The following SSH2 variants were observed in gnomAD, a reference collection of about 807,000 sequenced individuals.
SSH2 encodes the protein slingshot protein phosphatase 2, also known as protein phosphatase Slingshot homolog 2.
Under a neutral mutation model 135.2 loss-of-function variants are expected in SSH2, and 37 were observed. That is an observed-to-expected ratio of 0.27 (90% CI 0.21 to 0.36). The LOEUF is 0.36. SSH2 is among the 10% of genes least tolerant of loss of function. SSH2 has a pLI of 1.00. For synonymous variants in SSH2, 628 were observed against 646.2 expected, an observed-to-expected ratio of 0.97 and a Z score of 0.43; for missense variants, 1,408 against 1,765.3, an observed-to-expected ratio of 0.80 and a Z score of 3.63.
chr17:29,744,980 T>C (rs1202668109), intron 3 of SSH2, among the ~76,000 whole-genome samples: 2 of 151,866 alleles, frequency 1.3e-5, no homozygotes, highest in Non-Finnish European at 2.9e-5. Context: ...GGATTTCACA[T>C]TGTGCTCACA....
chr17:29,892,045 T>C (rs1202701643), intron 1 of SSH2, among the ~76,000 whole-genome samples: 1 of 152,068 alleles, frequency 6.6e-6, no homozygotes, highest in African/African-American at 2.4e-5. Context: ...CGACTTTCTT[T>C]TTTTTTTCTT....
rs182286246 is a variant in SSH2 at position 29,782,695 on chromosome 17, C to T, written c.188+11199G>A. ...CTGCTTCCTGGGTTCAAGCGATTCT[C>T]CTGCCTCAGCCTCCCAAGTAGCTGG... is the stretch of plus-strand genomic sequence containing the variant. On this transcript the variant is annotated intron_variant, in intron 3 of 15. Transcript: ENST00000540801. Among the ~76,000 whole-genome samples, 49 of 152,230 alleles carry T rather than the reference C, an allele frequency of 3.2e-4. No homozygotes were observed. In the East Asian group the frequency reaches 8.1e-3, roughly 25 times the overall value.
chr17:29,752,736 T>C (rs764293087), intron 3 of SSH2, among the ~76,000 whole-genome samples: 19 of 150,352 alleles, frequency 1.3e-4, no homozygotes, highest in Non-Finnish European at 2.5e-4. Context: ...AGCAATAGGC[T>C]AGGAGAAAGT....
intron 1 of SSH2, among the ~76,000 whole-genome samples, chr17:29,864,644 T>TAAA (rs540074955): frequency 1.8e-3 from 253 of 138,058 alleles, no homozygotes; most frequent in East Asian, 9.0e-3. Flanking sequence ...GAATACTTAC[T>TAAA]AAAAAAAAAA....
At chr17:29,692,607 G>A (rs1369136986) in intron 5 of SSH2, among the ~76,000 whole-genome samples, 1 of 152,180 alleles carries the variant, frequency 6.6e-6, no homozygotes, top group African/African-American at 2.4e-5. Context: ...AATATTTAGA[G>A]GTTCAAACCA....
intron 2 of SSH2, among the ~76,000 whole-genome samples, chr17:29,799,398 A>G (rs2042212337): frequency 6.6e-6 from 1 of 152,334 alleles, no homozygotes; most frequent in East Asian, 1.9e-4. Context: ...CTCTCACCAG[A>G]AAGAGTAAGA....
At chr17:29,830,349 A>T (rs2042823797) in intron 2 of SSH2, among the ~76,000 whole-genome samples, 1 of 152,154 alleles carries the variant, frequency 6.6e-6, no homozygotes, top group Admixed American at 6.5e-5. Context: ...ACTTCAACTC[A>T]TCATTAGAGT....
At chr17:29,650,575 C>T (rs917527568) in intron 13 of SSH2, 79 bp downstream of exon 13, 2 of 1,368,588 alleles carry the variant, frequency 1.5e-6, no homozygotes, top group African/African-American at 3.0e-5. Context: ...AGTAAGTTGT[C>T]TATAGCCCTC....
chr17:29,831,735 C>T (rs1313190010), intron 2 of SSH2, among the ~76,000 whole-genome samples: 1 of 130,484 alleles, frequency 7.7e-6, no homozygotes, highest in African/African-American at 2.5e-5. Context: ...CCACGCCCAG[C>T]TAAGTTTTTT....
chr17:29,737,464 C>T (rs762592830), intron 3 of SSH2, among the ~76,000 whole-genome samples: 4 of 152,098 alleles, frequency 2.6e-5, no homozygotes, highest in African/African-American at 2.4e-5. Flanking sequence ...CTAATGCATT[C>T]CTAGTGCCTA....
At chr17:29,807,106 CATT>C (rs1227627818) in intron 2 of SSH2, among the ~76,000 whole-genome samples, 1 of 152,148 alleles carries the variant, frequency 6.6e-6, no homozygotes, top group Non-Finnish European at 1.5e-5. Flanking sequence ...CAAAAGGAAA[CATT>C]ATCTAGAAAT....
intron 2 of SSH2, among the ~76,000 whole-genome samples, chr17:29,798,511 T>C (rs2042197175): frequency 6.6e-6 from 1 of 152,210 alleles, no homozygotes; most frequent in Non-Finnish European, 1.5e-5. Context: ...GGCCATATTT[T>C]TGGCATATTT....
chr17:29,732,628 C>G (rs1193007743), intron 3 of SSH2, among the ~76,000 whole-genome samples: 1 of 152,168 alleles, frequency 6.6e-6, no homozygotes, highest in African/African-American at 2.4e-5. Flanking sequence ...TTTACTGTCT[C>G]TCTCTATATC....
At chr17:29,796,962 A>C (rs545878610) in intron 2 of SSH2, among the ~76,000 whole-genome samples, 1 of 151,814 alleles carries the variant, frequency 6.6e-6, no homozygotes, top group South Asian at 2.1e-4. Context: ...ACAGATGCAC[A>C]CTGCCAGGCC....
chr17:29,837,082 C>T (rs530803154), intron 2 of SSH2, among the ~76,000 whole-genome samples: 105 of 152,098 alleles, frequency 6.9e-4, no homozygotes, highest in Admixed American at 2.2e-3. Context: ...CATAGTGAAA[C>T]CCATTCTCTA....
chr17:29,860,398 C>G (rs1167366641), intron 1 of SSH2, among the ~76,000 whole-genome samples: 1 of 146,936 alleles, frequency 6.8e-6, no homozygotes, highest in Non-Finnish European at 1.5e-5. Context: ...GCAACATGTA[C>G]TTCTTCTTTT....
At chr17:29,832,834 T>C (rs1226779982) in intron 2 of SSH2, among the ~76,000 whole-genome samples, 1 of 152,100 alleles carries the variant, frequency 6.6e-6, no homozygotes, top group Non-Finnish European at 1.5e-5. Context: ...ACCCAGATAA[T>C]TTTTGTGTTT....
chr17:29,918,326 G>A (rs548222073), intron 1 of SSH2, among the ~76,000 whole-genome samples: 10 of 152,242 alleles, frequency 6.6e-5, no homozygotes, highest in African/African-American at 2.2e-4. Context: ...AGCTGGGGGA[G>A]TCTAGACACC....
Position 29,930,014 on chromosome 17 carries a change from G to C in SSH2, c.-14C>G. 6.3e-7 allele frequency: 1 copy of C among 1,591,318 alleles called. No individual in the cohort carries two copies. Among genetic ancestry groups the C allele is most frequent in the Non-Finnish European group, 8.6e-7 (1 of 1,169,372 alleles). On this transcript the variant is annotated 5_prime_UTR_variant, in exon 1 of 16. Transcript: ENST00000540801. ...GACCAAAGCCATCTAGGCGCTGCTG[G>C]GTTGTTCCGGGCAGGGCATTCTTGT...
Sources: gnomAD v4.1 joint callset for allele counts (sites outside exome capture counted in the v4.1 genomes callset) on GRCh38, gnomAD v4.1.1 for gene constraint, MANE v1.5 for transcripts, NCBI Gene and HGNC (gene_info 2026-07-23, HGNC 2026-07-21) for gene names.